WDR64: variants seen among roughly 807,000 people sequenced by gnomAD.
WDR64 encodes the protein WD repeat-containing protein 64.
WDR64 carries 112 observed loss-of-function variants against 139.3 expected under a neutral mutation model. The observed-to-expected ratio is 0.80, with a 90% confidence interval of 0.69 to 0.94. The LOEUF is 0.94. Among genes scored for constraint, WDR64 ranks in the 40% least tolerant of loss-of-function variants. WDR64 has a pLI of 0.00. For synonymous variants in WDR64, 444 were observed against 437.7 expected (o/e 1.01, Z -0.18); for missense variants, 1,206 against 1,293.1 (o/e 0.93, Z 1.03).
At chr1:241,679,652 G>C in intron 6 of WDR64, 57 bp downstream of exon 6, 1 of 1,395,032 alleles carries the variant, frequency 7.2e-7, no homozygotes, top group Non-Finnish European at 9.9e-7. Context: ...GTAGTGGTAC[G>C]ATATGAGCAA....
At chr1:241,728,891 G>A (rs1668962739) in intron 10 of WDR64, among the ~76,000 whole-genome samples, 1 of 151,148 alleles carries the variant, frequency 6.6e-6, no homozygotes, top group African/African-American at 2.4e-5. Flanking sequence ...ACAAATGTAT[G>A]TAAAAGTTGC....
intron 8 of WDR64, among the ~76,000 whole-genome samples, chr1:241,690,912 C>T (rs1381245975): frequency 6.6e-6 from 1 of 151,858 alleles, no homozygotes; most frequent in Non-Finnish European, 1.5e-5. Context: ...GCAATGTATT[C>T]AATTATATAC....
At chr1:241,799,266 A>AGCTGCT (rs1389433482) in intron 27 of WDR64, among the ~76,000 whole-genome samples, 1 of 148,060 alleles carries the variant, frequency 6.8e-6, no homozygotes, top group Non-Finnish European at 1.5e-5. Context: ...CTGTAGTCCC[A>AGCTGCT]GCTGCTTGGG....
chr1:241,782,597 C>G (rs963483350), intron 22 of WDR64, among the ~76,000 whole-genome samples: 1 of 152,150 alleles, frequency 6.6e-6, no homozygotes, highest in African/African-American at 2.4e-5. Flanking sequence ...TCACACAATT[C>G]AGGAAGGTCT....
At chr1:241,741,373 C>T in intron 11 of WDR64, 143 bp from the exon 12 acceptor site, 1 of 570,090 alleles carries the variant, frequency 1.8e-6, no homozygotes, top group Non-Finnish European at 2.9e-6. Context: ...AAAATATTCT[C>T]ACCTCATTAC....
At position 241,787,861 on chromosome 1, in the gene WDR64, C is replaced by CCT. The variant is rs1226008965; in HGVS notation, c.2720_2721dup (p.Asn908SerfsTer34). 3.1e-6 allele frequency: 5 copies of CCT among 1,589,364 alleles called. No homozygotes were observed. The African/African-American group carries it at 6.8e-5, about 22-fold the overall frequency. On this transcript the variant is annotated frameshift_variant, in exon 24 of 28. Transcript: ENST00000437684. LOFTEE classifies it high-confidence loss of function. ...TTCCTTCCCTCAGGCTCTGGCATGC[C>CCT]CTCAATGGACATTATTGTGGATATT...
chr1:241,684,363 T>G (rs906575417), intron 7 of WDR64, among the ~76,000 whole-genome samples: 2 of 152,176 alleles, frequency 1.3e-5, no homozygotes, highest in East Asian at 3.8e-4. Context: ...AAAGTGATCA[T>G]CAGAAAAAAA....
Position 241,679,478 on chromosome 1 carries a change from C to A in WDR64, c.514-7C>A. Reference sequence around the variant, plus strand: ...TTATATCCCCCAATTCTCTGCTTTTCTATCAGGACACCTCCTGGATTACAG... The same window carrying A: ...TTATATCCCCCAATTCTCTGCTTTTATATCAGGACACCTCCTGGATTACAG... On this transcript the variant is annotated splice_region_variant and splice_polypyrimidine_tract_variant and intron_variant, in intron 5 of 27. Transcript: ENST00000437684. 1 of 1,551,222 alleles carries A rather than the reference C, an allele frequency of 6.4e-7. No individual in the cohort carries two copies. The highest frequency in any genetic ancestry group is 8.7e-7 in the Non-Finnish European group (1 of 1,146,194).
rs138704795 is a variant in WDR64, at chr1:241,698,226, C to T, written c.974+10631C>T. On this transcript the variant is annotated intron_variant, in intron 8 of 27. Transcript: ENST00000437684. ...GTATTTTGCTTGGTGGCACTATGGTCCATCCATCACTCTAGCTGGAAACCT... is the reference window on the plus strand; with the variant it reads ...GTATTTTGCTTGGTGGCACTATGGTTCATCCATCACTCTAGCTGGAAACCT... 1.3e-4 allele frequency among the ~76,000 whole-genome samples: 20 copies of T among 152,224 alleles called. No individual in the cohort carries two copies. In the East Asian group the frequency reaches 3.9e-3, roughly 29 times the overall value.
In WDR64 at chr1:241,801,307, A is replaced by G; in HGVS notation, c.*92A>G. 2.7e-6 allele frequency: 3 copies of G among 1,093,964 alleles called. No homozygotes were observed. Among genetic ancestry groups the G allele is most frequent in the South Asian group, 1.3e-5 (1 of 74,214 alleles). The allele number at this position is 1,093,964 out of a possible 1,614,324, so 67.8% of individuals were successfully genotyped here. ...TTCAGGATGAGAGGGAGAAACCACC[A>G]GACACTATCAGTCATCTCTGGTGTC... On this transcript the variant is annotated 3_prime_UTR_variant, in exon 28 of 28. Coordinates refer to ENST00000437684, the MANE Select transcript of WDR64 (RefSeq NM_001367482.1).
Position 241,771,655 on chromosome 1 carries a change from A to G in WDR64, c.2254-6A>G. 2.0e-6 allele frequency: 3 copies of G among 1,499,672 alleles called. No individual in the cohort carries two copies. Among genetic ancestry groups the G allele is most frequent in the Non-Finnish European group, 2.7e-6 (3 of 1,121,412 alleles). The allele number at this position is 1,499,672 out of a possible 1,614,324, so 92.9% of individuals were successfully genotyped here. ...AAGTCTTTTCTCTTTTCCTCCCATA[A>G]TTCAGGGAAGCAAGCAAAGCATACA... On this transcript the variant is annotated splice_polypyrimidine_tract_variant and splice_region_variant and intron_variant, in intron 18 of 27. Transcript: ENST00000437684.
intron 9 of WDR64, among the ~76,000 whole-genome samples, chr1:241,717,201 T>C (rs1434408677): frequency 6.6e-6 from 1 of 152,176 alleles, no homozygotes; most frequent in Non-Finnish European, 1.5e-5. Context: ...ATCTGGTGAG[T>C]TTCTTACTAC....
In WDR64 at chr1:241,705,136, T is replaced by C. The variant is rs545422636; in HGVS notation, c.975-6666T>C. Among the ~76,000 whole-genome samples, 6 of 152,278 alleles carry C rather than the reference T, an allele frequency of 3.9e-5. No individual in the cohort carries two copies. The East Asian group carries it at 1.2e-3, about 29-fold the overall frequency. Reference sequence around the variant, plus strand: ...ACGCATCTAGCTCCCCAGTAGCTAGTTGCTGAGGCTCAGAACTCACAGGCT... The same window carrying C: ...ACGCATCTAGCTCCCCAGTAGCTAGCTGCTGAGGCTCAGAACTCACAGGCT... On this transcript the variant is annotated intron_variant, in intron 8 of 27. Transcript: ENST00000437684.
chr1:241,675,650 G>A (rs997326478), intron 4 of WDR64, among the ~76,000 whole-genome samples: 1 of 152,170 alleles, frequency 6.6e-6, no homozygotes, highest in Non-Finnish European at 1.5e-5. Context: ...TCAAATTCTC[G>A]CCCTACTGTT....
At chr1:241,773,530 C>T (rs1025521368) in intron 20 of WDR64, among the ~76,000 whole-genome samples, 1 of 152,092 alleles carries the variant, frequency 6.6e-6, no homozygotes, top group Non-Finnish European at 1.5e-5. Flanking sequence ...AGTGCAGTGG[C>T]GTGATCTCAG....
chr1:241,745,576 G>T (rs573228615), intron 13 of WDR64, among the ~76,000 whole-genome samples: 1 of 148,702 alleles, frequency 6.7e-6, no homozygotes, highest in African/African-American at 2.6e-5. Flanking sequence ...TTCAGATATT[G>T]AGTTTGTCCT....
intron 10 of WDR64, among the ~76,000 whole-genome samples, chr1:241,728,062 G>A (rs1038324007): frequency 2.6e-5 from 4 of 151,320 alleles, no homozygotes; most frequent in African/African-American, 4.9e-5. Context: ...GCTGGGTGCC[G>A]CAGTTCATGC....
chr1:241,746,674 T>C (rs899032792), intron 13 of WDR64, among the ~76,000 whole-genome samples: 1 of 152,052 alleles, frequency 6.6e-6, no homozygotes, highest in African/African-American at 2.4e-5. Context: ...AACAAGCTAG[T>C]TATATTTGCA....
chr1:241,765,179 C>G (rs1377038386), intron 15 of WDR64, among the ~76,000 whole-genome samples: 1 of 100,110 alleles, frequency 1.0e-5, no homozygotes, highest in Non-Finnish European at 2.3e-5. Flanking sequence ...AGAGGGAGAT[C>G]TGTCTCTGAA....
Sources: allele counts gnomAD v4.1 joint callset (sites outside exome capture counted in the v4.1 genomes callset), GRCh38; gene constraint gnomAD v4.1.1; transcripts MANE v1.5; gene names NCBI Gene and HGNC (gene_info 2026-07-23, HGNC 2026-07-21).